VWF: variants seen among roughly 807,000 people sequenced by gnomAD.
VWF encodes the protein Factor VIII related antigen.
A neutral mutation model predicts 308.6 loss-of-function variants in VWF; 176 were observed. The observed-to-expected ratio is 0.57, with a 90% CI of 0.50 to 0.65. The LOEUF is 0.65. Among genes scored for constraint, VWF ranks in the 30% least tolerant of loss-of-function variants. The pLI, the probability that VWF is intolerant of heterozygous loss-of-function variation, is 0.00. For missense variants in VWF, 3,146 were observed against 3,648.2 expected (o/e 0.86, Z 3.55); for synonymous variants, 1,385 against 1,443.4 (o/e 0.96, Z 0.92).
intron 18 of VWF, among the ~76,000 whole-genome samples, chr12:6,036,751 A>ACTGCCCT (rs1467744994): frequency 1.3e-5 from 2 of 152,190 alleles, no homozygotes; most frequent in Non-Finnish European, 1.5e-5. Flanking sequence ...AAAGACACTG[A>ACTGCCCT]CTGCCCTCTG....
intron 20 of VWF, 139 bp downstream of exon 20, chr12:6,034,549 A>C (rs1944310802): frequency 7.6e-7 from 1 of 1,307,620 alleles, no homozygotes; most frequent in South Asian, 1.3e-5. Flanking sequence ...CACTTCTGTG[A>C]AGGACTGGGA....
At chr12:6,088,459 A>G (rs937843675) in intron 6 of VWF, among the ~76,000 whole-genome samples, 1 of 150,078 alleles carries the variant, frequency 6.7e-6, no homozygotes, top group African/African-American at 2.5e-5. Context: ...AGCCTGGGCG[A>G]CAGAGCGAGA....
chr12:6,034,597 GCA>G, intron 20 of VWF, 89 bp downstream of exon 20: 1 of 1,596,062 alleles, frequency 6.3e-7, no homozygotes, highest in Non-Finnish European at 8.6e-7. Flanking sequence ...AGTTGTTTCT[GCA>G]GACAGATCCA....
chr12:6,106,863 G>A (rs1359125717), intron 5 of VWF, among the ~76,000 whole-genome samples: 1 of 92,426 alleles, frequency 1.1e-5, no homozygotes, highest in Non-Finnish European at 2.0e-5. Flanking sequence ...CAACAAGAGT[G>A]AAACTCCGAC....
chr12:6,040,226 C>T (rs1018914690), intron 18 of VWF, among the ~76,000 whole-genome samples: 1 of 152,112 alleles, frequency 6.6e-6, no homozygotes, highest in Non-Finnish European at 1.5e-5. Context: ...AGGTAATATT[C>T]TAACTTAAAG....
chr12:6,104,261 A>G (rs1945215269), intron 5 of VWF, among the ~76,000 whole-genome samples: 1 of 152,196 alleles, frequency 6.6e-6, no homozygotes, highest in African/African-American at 2.4e-5. Flanking sequence ...TTATTATTAA[A>G]AAGACAGAAA....
chr12:5,968,226 G>C, intron 45 of VWF, 59 bp from the exon 46 acceptor site: 1 of 1,605,470 alleles, frequency 6.2e-7, no homozygotes, highest in Non-Finnish European at 8.5e-7. Context: ...TGAGACCGGC[G>C]AGCAGGCTGC....
At chr12:6,022,561 T>C (rs528134885) in intron 26 of VWF, among the ~76,000 whole-genome samples, 179 bp downstream of exon 26, 8,150 of 137,902 alleles carry the variant, frequency 0.059, 840 homozygotes, top group African/African-American at 0.21. Context: ...GGAGCTCGAC[T>C]TGAGAAAAAT....
intron 47 of VWF, among the ~76,000 whole-genome samples, chr12:5,961,367 G>A (rs1026852728): frequency 2.6e-5 from 4 of 152,014 alleles, no homozygotes; most frequent in African/African-American, 9.7e-5. Flanking sequence ...TGCTGCTGTT[G>A]AACACACAAC....
intron 11 of VWF, 138 bp from the exon 12 acceptor site, chr12:6,064,522 G>A (rs1944690770): frequency 5.9e-6 from 8 of 1,361,392 alleles, no homozygotes; most frequent in Non-Finnish European, 8.1e-6. Flanking sequence ...CATTCTCCCA[G>A]AATACTCCAT....
chr12:5,984,966 C>T (rs1001676733), intron 40 of VWF, 79 bp downstream of exon 40: 4 of 1,470,048 alleles, frequency 2.7e-6, no homozygotes, highest in Non-Finnish European at 3.8e-6. Context: ...AGAACAGAGA[C>T]ACCTTTCAGC....
chr12:6,075,317 G>A lies in VWF; in HGVS notation c.874+18C>T. On this transcript the variant is annotated intron_variant, in intron 7 of 51. Coordinates refer to ENST00000261405, the MANE Select transcript of VWF (RefSeq NM_000552.5). The surrounding 1 kb of genome is among the most constrained non-coding windows in gnomAD (Gnocchi z 4.7). ...GTTCATCCCCGGCAGGGCAGGACGGGGCAGGGGGCCGACTTACTGCACGCG... is the reference window on the plus strand; with the variant it reads ...GTTCATCCCCGGCAGGGCAGGACGGAGCAGGGGGCCGACTTACTGCACGCG... The A allele has an allele frequency of 6.2e-7, 1 of 1,613,674 alleles. No homozygotes were observed. Among genetic ancestry groups the A allele is most frequent in the Non-Finnish European group, 8.5e-7 (1 of 1,179,906 alleles).
intron 18 of VWF, among the ~76,000 whole-genome samples, chr12:6,043,218 G>T (rs1944412328): frequency 6.6e-6 from 1 of 152,212 alleles, no homozygotes; most frequent in African/African-American, 2.4e-5. Context: ...CTGTTTGGGA[G>T]AAGAAAGAGT....
intron 16 of VWF, among the ~76,000 whole-genome samples, chr12:6,047,922 G>C (rs1013893051): frequency 1.3e-5 from 2 of 152,184 alleles, no homozygotes; most frequent in Non-Finnish European, 2.9e-5. Flanking sequence ...ATGTGTATAA[G>C]GATTTTAGTC....
intron 40 of VWF, among the ~76,000 whole-genome samples, chr12:5,983,957 A>AGGAT (rs1177572019): frequency 6.8e-6 from 1 of 147,426 alleles, no homozygotes; most frequent in Non-Finnish European, 1.5e-5. Flanking sequence ...ATAAATACAT[A>AGGAT]GGATGGATGG....
chr12:5,953,742 TTGTC>T, intron 47 of VWF, 148 bp from the exon 48 acceptor site: 1 of 698,346 alleles, frequency 1.4e-6, no homozygotes, highest in Non-Finnish European at 2.6e-6. Context: ...CAACCAGCTT[TTGTC>T]AGTTCTCAGT....
chr12:6,077,029 G>A (rs1374732327), intron 6 of VWF, among the ~76,000 whole-genome samples: 1 of 152,200 alleles, frequency 6.6e-6, no homozygotes, highest in Non-Finnish European at 1.5e-5. Context: ...AAGCAGGCAG[G>A]CCTGGAAAAG....
intron 28 of VWF, among the ~76,000 whole-genome samples, chr12:6,017,100 A>G (rs1356812270): frequency 2.0e-5 from 3 of 152,168 alleles, no homozygotes; most frequent in Admixed American, 2.0e-4. Context: ...CACTGAGAAG[A>G]CTCCAATTCT....
At chr12:6,010,848 G>C (rs896738538) in intron 34 of VWF, among the ~76,000 whole-genome samples, 29 of 152,316 alleles carry the variant, frequency 1.9e-4, no homozygotes, top group Middle Eastern at 3.4e-3. Flanking sequence ...TATTACGCAA[G>C]AGTGGGTATC....
Sources: allele counts gnomAD v4.1 joint callset (sites outside exome capture counted in the v4.1 genomes callset), GRCh38; gene constraint gnomAD v4.1.1; non-coding constraint Gnocchi (gnomAD v3.1); transcripts MANE v1.5; gene names NCBI Gene and HGNC (gene_info 2026-07-23, HGNC 2026-07-21).